EBF3: variants seen among roughly 807,000 people sequenced by gnomAD.
The protein encoded by EBF3 is EBF transcription factor 3, also known as transcription factor COE3.
A neutral mutation model predicts 77.1 loss-of-function variants in EBF3; 18 were observed. That is an observed-to-expected ratio of 0.23 (90% confidence interval 0.16 to 0.35). EBF3 has a LOEUF of 0.35. Ranked by LOEUF, EBF3 falls within the 10% of genes least tolerant of loss-of-function variation. EBF3 has a pLI of 1.00. For missense variants in EBF3, 558 were observed against 860.0 expected (o/e 0.65, Z 4.39); for synonymous variants, 350 against 343.5 (o/e 1.02, Z -0.21).
rs1259232948 is a variant in EBF3 at position 129,837,650 on chromosome 10, AG to A, written c.*292del. 3 of 408,446 alleles carry A rather than the reference AG, an allele frequency of 7.3e-6. No homozygotes were observed. Among genetic ancestry groups the A allele is most frequent in the Admixed American group, 4.2e-5 (1 of 24,044 alleles). The allele number at this position is 408,446 out of a possible 1,614,324, so 25.3% of individuals were successfully genotyped here. A position where few individuals can be genotyped will look rare whatever the true frequency, so the allele number is the denominator to read the frequency against. ...CGGAGTCGGAAACTTTATACAAAAT[AG>A]GCGTCGCTTTGTTTTCCTTATTCTT... is the stretch of plus-strand genomic sequence containing the variant. On this transcript the variant is annotated 3_prime_UTR_variant, in exon 17 of 17. Coordinates refer to ENST00000440978, the MANE Select transcript of EBF3 (RefSeq NM_001375380.1).
At chr10:129,865,929 C>T (rs775060118) in intron 10 of EBF3, among the ~76,000 whole-genome samples, 2 of 152,126 alleles carry the variant, frequency 1.3e-5, no homozygotes, top group African/African-American at 2.4e-5. Context: ...TCCTCATGGC[C>T]ACCCCAGGAC....
chr10:129,906,681 G>T (rs1055782251), intron 6 of EBF3, among the ~76,000 whole-genome samples: 1 of 151,932 alleles, frequency 6.6e-6, no homozygotes, highest in Admixed American at 6.6e-5. Context: ...ACAAAAACTT[G>T]AAAAAAACGT....
chr10:129,878,896 C>T lies in EBF3; in HGVS notation c.555-1047G>A, dbSNP rs199895373. Reference sequence around the variant, plus strand: ...TTGTTTTAACCAAGAATTCTTGAGGCGGTAATGAAACTGTTGCTGAGGCAG... The same window carrying T: ...TTGTTTTAACCAAGAATTCTTGAGGTGGTAATGAAACTGTTGCTGAGGCAG... On this transcript the variant is annotated intron_variant, in intron 6 of 16. Coordinates refer to ENST00000440978, the MANE Select transcript of EBF3 (RefSeq NM_001375380.1). Among the ~76,000 whole-genome samples, 30 of 148,928 alleles carry T rather than the reference C, an allele frequency of 2.0e-4. No individual in the cohort carries two copies. The East Asian group carries it at 5.3e-3, about 26-fold the overall frequency.
chr10:129,868,433 C>G (rs1318624486), intron 8 of EBF3, among the ~76,000 whole-genome samples: 1 of 152,352 alleles, frequency 6.6e-6, no homozygotes, highest in East Asian at 1.9e-4. Flanking sequence ...GAAAAAAAAT[C>G]AAAGGCACTA....
rs370250206 is a variant in EBF3, at chr10:129,842,913, C to T, written c.1194+224G>A. Among the ~76,000 whole-genome samples the T allele has an allele frequency of 8.7e-6, 1 of 115,120 alleles. No homozygotes were observed. Among genetic ancestry groups the T allele is most frequent in the Non-Finnish European group, 1.8e-5 (1 of 54,832 alleles). The allele number at this position is 115,120 out of a possible 152,430, so 75.5% of individuals were successfully genotyped here. On this transcript the variant is annotated intron_variant, in intron 12 of 16. Transcript: ENST00000440978. The surrounding 1 kb of genome is among the most constrained non-coding windows in gnomAD (Gnocchi z 4.4). Reference sequence around the variant, plus strand: ...GATGGGTTTCAAGGCTGTGCACTCCCGCTGTGACAAGTTTTTTCTGCTTTT... The same window carrying T: ...GATGGGTTTCAAGGCTGTGCACTCCTGCTGTGACAAGTTTTTTCTGCTTTT...
intron 10 of EBF3, among the ~76,000 whole-genome samples, chr10:129,862,426 G>A (rs1055036066): frequency 7.2e-5 from 11 of 152,222 alleles, no homozygotes; most frequent in East Asian, 1.9e-4. Context: ...TCAGTCTGTC[G>A]CAGACAACAT....
Position 129,963,285 on chromosome 10 carries a change from G to A in EBF3, c.291+82C>T, listed in dbSNP as rs778974579. The A allele has an allele frequency of 6.5e-7, 1 of 1,534,302 alleles. No homozygotes were observed. Among genetic ancestry groups the A allele is most frequent in the Non-Finnish European group, 8.8e-7 (1 of 1,142,322 alleles). On this transcript the variant is annotated intron_variant, in intron 2 of 16. Coordinates refer to ENST00000440978, the MANE Select transcript of EBF3 (RefSeq NM_001375380.1). This position sits in a 1 kb window ranked among gnomAD's most constrained non-coding sequence, Gnocchi z 7.1. Reference sequence around the variant, plus strand: ...CGGAGCCGAGCCCGCCGCCTAGGGGGGCACTCGAACCCCCGCGCACCGGCA... The same window carrying A: ...CGGAGCCGAGCCCGCCGCCTAGGGGAGCACTCGAACCCCCGCGCACCGGCA...
intron 6 of EBF3, among the ~76,000 whole-genome samples, chr10:129,881,082 A>G (rs921406472): frequency 6.6e-6 from 1 of 152,218 alleles, no homozygotes; most frequent in Non-Finnish European, 1.5e-5. Flanking sequence ...CACTTTACAT[A>G]TCTCACTTCT....
chr10:129,888,139 G>T (rs1853742913), intron 6 of EBF3, among the ~76,000 whole-genome samples: 1 of 152,206 alleles, frequency 6.6e-6, no homozygotes, highest in African/African-American at 2.4e-5. Flanking sequence ...CTCCAGGAAG[G>T]AGTTGCAGCG....
At chr10:129,904,337 T>C (rs1449316558) in intron 6 of EBF3, among the ~76,000 whole-genome samples, 1 of 152,226 alleles carries the variant, frequency 6.6e-6, no homozygotes, top group Non-Finnish European at 1.5e-5. Flanking sequence ...TGTATTATAA[T>C]CATTTGTTTC....
intron 6 of EBF3, among the ~76,000 whole-genome samples, chr10:129,927,733 G>A (rs1029498880): frequency 3.3e-5 from 5 of 152,152 alleles, no homozygotes; most frequent in Non-Finnish European, 1.5e-5. Context: ...TGTCCCCTGA[G>A]GACAGTTGGG....
At chr10:129,904,569 C>T (rs1008035627) in intron 6 of EBF3, among the ~76,000 whole-genome samples, 11 of 149,232 alleles carry the variant, frequency 7.4e-5, no homozygotes, top group South Asian at 6.4e-4. Flanking sequence ...GATGGATGAA[C>T]GGATGGATGG....
chr10:129,860,454 G>A (rs1851538679), intron 10 of EBF3, among the ~76,000 whole-genome samples: 1 of 152,144 alleles, frequency 6.6e-6, no homozygotes, highest in African/African-American at 2.4e-5. Flanking sequence ...ATTTTGTCAG[G>A]TTTGGTGCTG....
Position 129,864,009 on chromosome 10 carries a change from T to G in EBF3, c.1039+3132A>C, listed in dbSNP as rs931095132. ...GCTTCGGGCAGCCAGGACCCTGAGC[T>G]TGTGCCTGAGAAGCCCAGTCAGCCC... On this transcript the variant is annotated intron_variant, in intron 10 of 16. Transcript: ENST00000440978. This position sits in a 1 kb window ranked among gnomAD's most constrained non-coding sequence, Gnocchi z 4.4. 6.6e-6 allele frequency among the ~76,000 whole-genome samples: 1 copy of G among 152,118 alleles called. No individual in the cohort carries two copies. The highest frequency in any genetic ancestry group is 2.4e-5 in the African/African-American group (1 of 41,424).
At chr10:129,859,004 G>T (rs1281353220) in intron 10 of EBF3, among the ~76,000 whole-genome samples, 1 of 152,156 alleles carries the variant, frequency 6.6e-6, no homozygotes, top group East Asian at 1.9e-4. Context: ...AATTTCGCAC[G>T]CTCCGTAATG....
intron 3 of EBF3, 133 bp downstream of exon 3, chr10:129,962,809 T>G (rs1859628168): frequency 9.6e-7 from 1 of 1,042,194 alleles, no homozygotes; most frequent in Admixed American, 2.4e-5. Context: ...ATGTTTTGTT[T>G]TCCTTCTATG....
intron 11 of EBF3, chr10:129,845,808 ACTC>A (rs1850412542): frequency 6.6e-6 from 1 of 152,190 alleles, no homozygotes; most frequent in Non-Finnish European, 1.5e-5. Context: ...CAGAAAAAAA[ACTC>A]AGATGAAATG....
intron 6 of EBF3, among the ~76,000 whole-genome samples, chr10:129,920,299 C>T (rs868386108): frequency 2.5e-4 from 38 of 149,972 alleles, no homozygotes; most frequent in African/African-American, 9.0e-4. Context: ...GCCACAAACC[C>T]GCCCCGCTGT....
chr10:129,909,601 A>G (rs1364727279), intron 6 of EBF3, among the ~76,000 whole-genome samples: 1 of 152,202 alleles, frequency 6.6e-6, no homozygotes, highest in East Asian at 1.9e-4. Context: ...CAACTGTGAC[A>G]AACTCTGGAA....
Sources: allele counts gnomAD v4.1 joint callset (sites outside exome capture counted in the v4.1 genomes callset), GRCh38; gene constraint gnomAD v4.1.1; non-coding constraint Gnocchi (gnomAD v3.1); transcripts MANE v1.5; gene names NCBI Gene and HGNC (gene_info 2026-07-23, HGNC 2026-07-21).